FAM229A: variants seen among roughly 807,000 people sequenced by gnomAD.
FAM229A encodes the protein family with sequence similarity 229 member A.
A neutral mutation model predicts 10.0 loss-of-function variants in FAM229A; 9 were observed. The ratio of observed to expected loss-of-function variants is 0.90; its 90% CI spans 0.54 to 1.56. The LOEUF (loss-of-function observed/expected upper bound fraction) is 1.56. Among genes scored for constraint, FAM229A ranks in the 40% most tolerant of loss-of-function variants. The pLI is 0.00. For synonymous variants in FAM229A, 93 were observed against 90.1 expected (o/e 1.03, Z -0.19); for missense variants, 196 against 197.6 (o/e 0.99, Z 0.05).
intron 1 of FAM229A, 31 bp from the exon 2 acceptor site, chr1:32,361,907 C>T: frequency 1.5e-6 from 2 of 1,377,018 alleles, no homozygotes; most frequent in South Asian, 1.6e-5. Context: ...AGGCCTCTCC[C>T]GGGTCGCCGG....
At position 32,362,025 on chromosome 1, in the gene FAM229A, C is replaced by A; in HGVS notation, c.67G>T (p.Glu23Ter). The A allele has an allele frequency of 6.7e-7, 1 of 1,483,232 alleles. No individual in the cohort carries two copies. The highest frequency in any genetic ancestry group is 8.9e-7 in the Non-Finnish European group (1 of 1,124,134). The allele number at this position is 1,483,232 out of a possible 1,614,324, so 91.9% of individuals were successfully genotyped here. ...GGAGCCCTGGCCGCGGGAGAACGCTCCGGTCCAGGCGGAGCCGGGCAGGTC... is the reference window on the plus strand; with the variant it reads ...GGAGCCCTGGCCGCGGGAGAACGCTACGGTCCAGGCGGAGCCGGGCAGGTC... The part of the protein sequence containing the change: ...TETCPAPPGP[E>*]RSPAARAPAA... The change falls in exon 1 of 3, where the codon GAG becomes TAG. Residue 23 changes from glutamate to a stop codon, truncating the protein, a stop_gained. Coordinates refer to ENST00000432622, the MANE Select transcript of FAM229A (RefSeq NM_001167676.2). LOFTEE classifies it high-confidence loss of function.
In FAM229A at chr1:32,361,314, T is replaced by G. The variant is rs1641698405; in HGVS notation, c.*119A>C. ...TGTGCTTTATTAAAATGTGCATCAT[T>G]CTTTTATTTTAAAATGTGCATCATT... On this transcript the variant is annotated 3_prime_UTR_variant, in exon 3 of 3. Coordinates refer to ENST00000432622, the MANE Select transcript of FAM229A (RefSeq NM_001167676.2). 1 of 469,986 alleles carries G rather than the reference T, an allele frequency of 2.1e-6. No individual in the cohort carries two copies. The highest frequency in any genetic ancestry group is 3.5e-6 in the Non-Finnish European group (1 of 289,006). The allele number at this position is 469,986 out of a possible 1,614,324, so 29.1% of individuals were successfully genotyped here.
Position 32,362,281 on chromosome 1 carries a change from G to T in FAM229A, c.-190C>A. 1.3e-6 allele frequency: 1 copy of T among 772,204 alleles called. No homozygotes were observed. Among genetic ancestry groups the T allele is most frequent in the Non-Finnish European group, 1.8e-6 (1 of 555,902 alleles). The allele number at this position is 772,204 out of a possible 1,614,324, so 47.8% of individuals were successfully genotyped here. A position where few individuals can be genotyped will look rare whatever the true frequency, so the allele number is the denominator to read the frequency against. ...CCCGAGGGGGGCGCAGCAGGCCAGG[G>T]CAACCCGCCGCGAGGCGGCGTCCAC... On this transcript the variant is annotated 5_prime_UTR_variant, in exon 1 of 3. Transcript: ENST00000432622.
chr1:32,362,170 C>T lies in FAM229A; in HGVS notation c.-79G>A. ...GAACCCCCAACGGTGCCCCCTGCCG[C>T]CCCTGGCACTCAGCGCGGGCCAGAA... On this transcript the variant is annotated 5_prime_UTR_variant, in exon 1 of 3. Coordinates refer to ENST00000432622, the MANE Select transcript of FAM229A (RefSeq NM_001167676.2). The T allele has an allele frequency of 7.7e-7, 1 of 1,294,350 alleles. No homozygotes were observed. Among genetic ancestry groups the T allele is most frequent in the Non-Finnish European group, 9.8e-7 (1 of 1,021,988 alleles). The allele number at this position is 1,294,350 out of a possible 1,614,324, so 80.2% of individuals were successfully genotyped here.
At position 32,362,190 on chromosome 1, in the gene FAM229A, C is replaced by T. The variant is rs1227653344; in HGVS notation, c.-99G>A. The T allele has an allele frequency of 7.8e-7, 1 of 1,288,142 alleles. No homozygotes were observed. The highest frequency in any genetic ancestry group is 9.8e-7 in the Non-Finnish European group (1 of 1,017,586). 79.8% of individuals were successfully genotyped at this position (1,288,142 alleles called of 1,614,324 possible). ...TGCCGCCCCTGGCACTCAGCGCGGGCCAGAATCGGGGACTGGAGGCCTCTG... is the reference window on the plus strand; with the variant it reads ...TGCCGCCCCTGGCACTCAGCGCGGGTCAGAATCGGGGACTGGAGGCCTCTG... On this transcript the variant is annotated 5_prime_UTR_variant, in exon 1 of 3. Coordinates refer to ENST00000432622, the MANE Select transcript of FAM229A (RefSeq NM_001167676.2).
In FAM229A at chr1:32,361,449, C is replaced by T. The variant is rs1421699250; in HGVS notation, c.368G>A (p.Arg123Gln). 5 of 1,358,046 alleles carry T rather than the reference C, an allele frequency of 3.7e-6. No homozygotes were observed. Among genetic ancestry groups the T allele is most frequent in the African/African-American group, 1.5e-5 (1 of 65,304 alleles). The allele number at this position is 1,358,046 out of a possible 1,614,324, so 84.1% of individuals were successfully genotyped here. ...CAGGCGCACTCACGTGGCGCGGGCC[C>T]GGGGGCTCCCGCCCATGGCGAGGTA... The part of the protein sequence containing the change: ...DVYLAMGGSP[R>Q]ARAT Residue 123 changes from arginine (R) to glutamine (Q), a missense_variant, in exon 3 of 3, where the codon CGG becomes CAG. Physicochemically the swap from Arg to Gln is conservative, Grantham distance 43. Coordinates refer to ENST00000432622, the MANE Select transcript of FAM229A (RefSeq NM_001167676.2).
Position 32,361,312 on chromosome 1 carries a change from A to AT in FAM229A, c.*120dup. On this transcript the variant is annotated 3_prime_UTR_variant, in exon 3 of 3. Coordinates refer to ENST00000432622, the MANE Select transcript of FAM229A (RefSeq NM_001167676.2). ...GCTGTGCTTTATTAAAATGTGCATCATTCTTTTATTTTAAAATGTGCATCA... is the reference window on the plus strand; with the variant it reads ...GCTGTGCTTTATTAAAATGTGCATCATTTCTTTTATTTTAAAATGTGCATCA... 2.1e-6 allele frequency: 1 copy of AT among 468,404 alleles called. No homozygotes were observed. The highest frequency in any genetic ancestry group is 3.5e-6 in the Non-Finnish European group (1 of 287,476). 29.0% of individuals were successfully genotyped at this position (468,404 alleles called of 1,614,324 possible).
At chr1:32,361,652 T>C in intron 2 of FAM229A, 78 bp downstream of exon 2, 1 of 1,252,912 alleles carries the variant, frequency 8.0e-7, no homozygotes, top group Non-Finnish European at 1.0e-6. Flanking sequence ...TGCGGGGTCC[T>C]GACTGCTGGG....
chr1:32,361,930 C>G (rs540609127), intron 1 of FAM229A, 28 bp downstream of exon 1: 1 of 1,396,584 alleles, frequency 7.2e-7, no homozygotes, highest in African/African-American at 1.5e-5. Flanking sequence ...GCCGCCGCCT[C>G]GCGCCCGCCC....
chr1:32,362,259 G>A lies in FAM229A; in HGVS notation c.-168C>T. On this transcript the variant is annotated 5_prime_UTR_variant, in exon 1 of 3. Transcript: ENST00000432622. ...GGGGTCGCGCAGACCCCGGACACCC[G>A]AGGGGGGCGCAGCAGGCCAGGGCAA... 1 of 1,004,044 alleles carries A rather than the reference G, an allele frequency of 1.0e-6. No individual in the cohort carries two copies. The highest frequency in any genetic ancestry group is 1.7e-5 in the African/African-American group (1 of 59,418). The allele number at this position is 1,004,044 out of a possible 1,614,324, so 62.2% of individuals were successfully genotyped here.
rs1051042281 is a variant in FAM229A, at chr1:32,361,970, G to A, written c.122C>T (p.Ser41Leu). 4.1e-6 allele frequency: 6 copies of A among 1,479,550 alleles called. No homozygotes were observed. The highest frequency in any genetic ancestry group is 2.9e-5 in the East Asian group (1 of 33,962). 91.7% of individuals were successfully genotyped at this position (1,479,550 alleles called of 1,614,324 possible). Residue 41 changes from serine to leucine, a missense_variant, in exon 1 of 3, where the codon TCA becomes TTA. By Grantham distance (145) the Ser-to-Leu change is moderately radical. Coordinates refer to ENST00000432622, the MANE Select transcript of FAM229A (RefSeq NM_001167676.2). ...PAAASSLGPV[S>L]TAGRAPRGLD... ...GGCCGTCGCTCACCTCCCGGCGGTT[G>A]AGACCGGTCCCAGGCTAGAAGCAGC... is the stretch of plus-strand genomic sequence containing the variant.
Position 32,361,461 on chromosome 1 carries a change from C to A in FAM229A, c.356G>T (p.Gly119Val). Residue 119 changes from glycine to valine, a missense_variant, in exon 3 of 3, where the codon GGC (glycine) becomes GTC (valine). Gly to Val is a moderately radical substitution (Grantham distance 109, BLOSUM62 -3). Coordinates refer to ENST00000432622, the MANE Select transcript of FAM229A (RefSeq NM_001167676.2). ...HVPIDVYLAMGGSPRARAT is the reference protein window; with the variant it reads ...HVPIDVYLAMVGSPRARAT Reference sequence around the variant, plus strand: ...CGTGGCGCGGGCCCGGGGGCTCCCGCCCATGGCGAGGTAGACGTCGATGGG... The same window carrying A: ...CGTGGCGCGGGCCCGGGGGCTCCCGACCATGGCGAGGTAGACGTCGATGGG... 2.2e-6 allele frequency: 3 copies of A among 1,370,974 alleles called. No homozygotes were observed. The highest frequency in any genetic ancestry group is 1.6e-5 in the South Asian group (1 of 62,776). 84.9% of individuals were successfully genotyped at this position (1,370,974 alleles called of 1,614,324 possible).
rs1641720563 is a variant in FAM229A at position 32,362,449 on chromosome 1, AG to A, written c.-359del. On this transcript the variant is annotated 5_prime_UTR_variant, in exon 1 of 3. An upstream open reading frame in the 5' UTR gains an earlier in-frame stop. Transcript: ENST00000432622. The stretch of plus-strand genomic sequence containing the variant: ...TTTGGTGGTGGTAGTGAGGGCAGGT[AG>A]GGGCACTGCCCATTTTGGCCAAGGG... 1 of 534,698 alleles carries A rather than the reference AG, an allele frequency of 1.9e-6. No homozygotes were observed. The highest frequency in any genetic ancestry group is 3.0e-5 in the South Asian group (1 of 33,522). The allele number at this position is 534,698 out of a possible 1,614,324, so 33.1% of individuals were successfully genotyped here.
rs1641702145 is a variant in FAM229A at position 32,361,541 on chromosome 1, G to GA, written c.282-7dup. 1 of 1,341,554 alleles carries GA rather than the reference G, an allele frequency of 7.5e-7. No homozygotes were observed. 83.1% of individuals were successfully genotyped at this position (1,341,554 alleles called of 1,614,324 possible). ...CAGGGCAGCGACGAAGCGGCCTGGG[G>GA]AAATTGACGCGCGACAGGGGCCGCT... On this transcript the variant is annotated splice_polypyrimidine_tract_variant and splice_region_variant and intron_variant, in intron 2 of 2. Coordinates refer to ENST00000432622, the MANE Select transcript of FAM229A (RefSeq NM_001167676.2).
Position 32,362,310 on chromosome 1 carries a change from G to A in FAM229A, c.-219C>T. On this transcript the variant is annotated 5_prime_UTR_variant, in exon 1 of 3. Transcript: ENST00000432622. ...CCCGCCGCGAGGCGGCGTCCACGCC[G>A]AGGAGCCGCGCATTCCCGGTCCACA... The A allele has an allele frequency of 1.8e-6, 1 of 554,574 alleles. No homozygotes were observed. The highest frequency in any genetic ancestry group is 2.8e-6 in the Non-Finnish European group (1 of 357,468). The allele number at this position is 554,574 out of a possible 1,614,324, so 34.4% of individuals were successfully genotyped here. A position where few individuals can be genotyped will look rare whatever the true frequency, so the allele number is the denominator to read the frequency against.
rs1641711272 is a variant in FAM229A at position 32,362,015 on chromosome 1, G to A, written c.77C>T (p.Pro26Leu). Residue 26 changes from proline (P) to leucine (L), a missense_variant, in exon 1 of 3, where the codon CCC becomes CTC. Pro to Leu is a moderately conservative substitution (Grantham distance 98). Coordinates refer to ENST00000432622, the MANE Select transcript of FAM229A (RefSeq NM_001167676.2). The part of the protein sequence containing the change: ...CPAPPGPERS[P>L]AARAPAAASS... ...AGCAGCTGCCGGAGCCCTGGCCGCG[G>A]GAGAACGCTCCGGTCCAGGCGGAGC... is the stretch of plus-strand genomic sequence containing the variant. 6.7e-7 allele frequency: 1 copy of A among 1,485,626 alleles called. No individual in the cohort carries two copies. The highest frequency in any genetic ancestry group is 8.9e-7 in the Non-Finnish European group (1 of 1,125,356). 92.0% of individuals were successfully genotyped at this position (1,485,626 alleles called of 1,614,324 possible). A position where few individuals can be genotyped will look rare whatever the true frequency, so the allele number is the denominator to read the frequency against.
Position 32,361,550 on chromosome 1 carries a change from G to C in FAM229A, c.282-15C>G. ...GACGAAGCGGCCTGGGGAAATTGAC[G>C]CGCGACAGGGGCCGCTGAGGCAGGG... On this transcript the variant is annotated splice_polypyrimidine_tract_variant and intron_variant, in intron 2 of 2. Coordinates refer to ENST00000432622, the MANE Select transcript of FAM229A (RefSeq NM_001167676.2). 1 of 1,330,412 alleles carries C rather than the reference G, an allele frequency of 7.5e-7. No homozygotes were observed. The highest frequency in any genetic ancestry group is 9.6e-7 in the Non-Finnish European group (1 of 1,038,814). The allele number at this position is 1,330,412 out of a possible 1,614,324, so 82.4% of individuals were successfully genotyped here. A position where few individuals can be genotyped will look rare whatever the true frequency, so the allele number is the denominator to read the frequency against.
At position 32,362,290 on chromosome 1, in the gene FAM229A, CGCGAGGCGGCGTCCACGCCGAGGA is replaced by C; in HGVS notation, c.-223_-200del. On this transcript the variant is annotated 5_prime_UTR_variant, in exon 1 of 3. Transcript: ENST00000432622. ...GGCGCAGCAGGCCAGGGCAACCCGC[CGCGAGGCGGCGTCCACGCCGAGGA>C]GCCGCGCATTCCCGGTCCACACAGA... 1 of 680,686 alleles carries C rather than the reference CGCGAGGCGGCGTCCACGCCGAGGA, an allele frequency of 1.5e-6. No homozygotes were observed. Among genetic ancestry groups the C allele is most frequent in the Non-Finnish European group, 2.1e-6 (1 of 473,946 alleles). The allele number at this position is 680,686 out of a possible 1,614,324, so 42.2% of individuals were successfully genotyped here. A position where few individuals can be genotyped will look rare whatever the true frequency, so the allele number is the denominator to read the frequency against.
Position 32,361,978 on chromosome 1 carries a change from TC to T in FAM229A, c.113del (p.Gly38AspfsTer15). ...ARAPAAASSL[G>X]PVSTAGRAPR... The stretch of plus-strand genomic sequence containing the variant: ...CTCACCTCCCGGCGGTTGAGACCGG[TC>T]CCAGGCTAGAAGCAGCTGCCGGAGC... On this transcript the variant is annotated frameshift_variant, in exon 1 of 3. Coordinates refer to ENST00000432622, the MANE Select transcript of FAM229A (RefSeq NM_001167676.2). LOFTEE classifies it high-confidence loss of function. 6.7e-7 allele frequency: 1 copy of T among 1,482,892 alleles called. No homozygotes were observed. Among genetic ancestry groups the T allele is most frequent in the Non-Finnish European group, 8.9e-7 (1 of 1,124,246 alleles). 91.9% of individuals were successfully genotyped at this position (1,482,892 alleles called of 1,614,324 possible).
Sources: gnomAD v4.1 joint callset for allele counts on GRCh38, gnomAD v4.1.1 for gene constraint, MANE v1.5 for transcripts, NCBI Gene and HGNC (gene_info 2026-07-23, HGNC 2026-07-21) for gene names.